WDR74: variants seen among roughly 807,000 people sequenced by gnomAD.
The protein encoded by WDR74 is WD repeat-containing protein 74.
A neutral mutation model predicts 45.6 loss-of-function variants in WDR74; 31 were observed. The ratio of observed to expected loss-of-function variants is 0.68; its 90% CI spans 0.51 to 0.92. WDR74 has a LOEUF of 0.92. Among genes scored for constraint, WDR74 ranks in the 40% least tolerant of loss-of-function variants. The probability of loss-of-function intolerance (pLI) is 0.00; values close to 1 mark genes in which losing one functional copy is unlikely to be tolerated. For synonymous variants in WDR74, 191 were observed against 192.4 expected (o/e 0.99, Z 0.06); for missense variants, 455 against 497.2 (o/e 0.92, Z 0.81).
In WDR74 at chr11:62,839,150, C is replaced by A. The variant is rs758316576; in HGVS notation, c.257G>T (p.Gly86Val). 1 of 1,613,660 alleles carries A rather than the reference C, an allele frequency of 6.2e-7. No individual in the cohort carries two copies. Among genetic ancestry groups the A allele is most frequent in the Non-Finnish European group, 8.5e-7 (1 of 1,179,888 alleles). ...IFQGQRHCPG[G>V]EGMFRGLAQA... ...GGCGAGGCCACGGAACATGCCCTCCCCGCCCGGGCAGTGTCTCTGACCCTG... is the reference window on the plus strand; with the variant it reads ...GGCGAGGCCACGGAACATGCCCTCCACGCCCGGGCAGTGTCTCTGACCCTG... The change falls in exon 3 of 11, where the codon GGG (glycine) becomes GTG (valine). Residue 86 changes from glycine to valine, a missense_variant. Coordinates refer to ENST00000278856, the MANE Select transcript of WDR74 (RefSeq NM_001369450.1).
At chr11:62,841,358 G>A (rs1354060670), upstream of WDR74, among the ~76,000 whole-genome samples, 4 of 152,100 alleles carry the variant, frequency 2.6e-5, no homozygotes, top group East Asian at 1.9e-4. Context: ...ACATTAGCCG[G>A]GGGTGGTGGC....
Position 62,835,414 on chromosome 11 carries a change from G to A in WDR74, c.618+17C>T, listed in dbSNP as rs1392462438. The A allele has an allele frequency of 1.2e-6, 2 of 1,611,724 alleles. No homozygotes were observed. Among genetic ancestry groups the A allele is most frequent in the Non-Finnish European group, 8.5e-7 (1 of 1,178,086 alleles). On this transcript the variant is annotated intron_variant, in intron 6 of 10. Transcript: ENST00000278856. ...TGCTTTATCCCAGGAGAAGGCAGGT[G>A]TGAGGTGACACCTTACCTGGTGGTA...
At chr11:62,840,869 G>A (rs190265845), upstream of WDR74, among the ~76,000 whole-genome samples, 1 of 152,254 alleles carries the variant, frequency 6.6e-6, no homozygotes, top group East Asian at 1.9e-4. Flanking sequence ...AACCCCGAGC[G>A]CGACCTAGGT....
In WDR74 at chr11:62,836,058, G is replaced by T. The variant is rs1178379649; in HGVS notation, c.294-22C>A. 1.9e-6 allele frequency: 3 copies of T among 1,566,628 alleles called. No homozygotes were observed. In the South Asian group the frequency reaches 3.5e-5, roughly 18 times the overall value. On this transcript the variant is annotated intron_variant, in intron 3 of 10. Transcript: ENST00000278856. ...GGTGCTGCAGAGAAAGGATAGAGTT[G>T]GGATTTTTTAAGTGCTTAAACTCCT...
rs1268429388 is a variant in WDR74, at chr11:62,839,095, G to A, written c.293+19C>T. ...CGCTCTCCCTTCGGCCCTGAGTTTA[G>A]CGAGGGGATTGGTCTTACCCGTCGG... is the stretch of plus-strand genomic sequence containing the variant. On this transcript the variant is annotated intron_variant, in intron 3 of 10. Transcript: ENST00000278856. 2 of 1,612,454 alleles carry A rather than the reference G, an allele frequency of 1.2e-6. No homozygotes were observed. The highest frequency in any genetic ancestry group is 2.2e-5 in the East Asian group (1 of 44,884).
intron 6 of WDR74, chr11:62,834,983 G>A (rs543623053): frequency 6.1e-5 from 13 of 214,706 alleles, no homozygotes; most frequent in East Asian, 2.2e-4. Flanking sequence ...AGCCCCGCCC[G>A]TGTCTCAAGA....
upstream of WDR74, chr11:62,841,530 C>A (rs472539): frequency 5.3e-5 from 8 of 151,816 alleles, no homozygotes; most frequent in Admixed American, 1.3e-4. Context: ...AACACCTAAT[C>A]CAACTCAAAC....
intron 7 of WDR74, 35 bp from the exon 8 acceptor site, chr11:62,834,366 G>A (rs2084925877): frequency 6.2e-7 from 1 of 1,613,200 alleles, no homozygotes; most frequent in Admixed American, 1.7e-5. Flanking sequence ...GGGATCAGCA[G>A]TAACCTCCTG....
At chr11:62,838,749 A>C (rs2084996847) in intron 3 of WDR74, among the ~76,000 whole-genome samples, 1 of 148,672 alleles carries the variant, frequency 6.7e-6, no homozygotes, top group South Asian at 2.1e-4. Context: ...CAAGAGCGAA[A>C]ACTCCGTCTC....
In WDR74 at chr11:62,833,623, A is replaced by C; in HGVS notation, c.973T>G (p.Trp325Gly). The change falls in exon 10 of 11, where the codon TGG (tryptophan) becomes GGG (glycine). Residue 325 changes from tryptophan (W) to glycine (G), a missense_variant. Trp to Gly is a radical substitution (Grantham distance 184). Coordinates refer to ENST00000278856, the MANE Select transcript of WDR74 (RefSeq NM_001369450.1). ...NCLLLSGRDNWEDEPQEPQEP... is the reference protein window; with the variant it reads ...NCLLLSGRDNGEDEPQEPQEP... Reference sequence around the variant, plus strand: ...TCCCGGGCCCAACTGCTCACCTCCCAGTTGTCCCTGCCTGACAAGAGGAGG... The same window carrying C: ...TCCCGGGCCCAACTGCTCACCTCCCCGTTGTCCCTGCCTGACAAGAGGAGG... 1 of 1,552,120 alleles carries C rather than the reference A, an allele frequency of 6.4e-7. No individual in the cohort carries two copies. Among genetic ancestry groups the C allele is most frequent in the Non-Finnish European group, 8.7e-7 (1 of 1,147,200 alleles).
At chr11:62,839,698 C>A, upstream of WDR74, 1 of 1,176,474 alleles carries the variant, frequency 8.5e-7, no homozygotes, top group Non-Finnish European at 1.2e-6. Context: ...AGCTTCCATG[C>A]TTGTTTTGCT....
chr11:62,834,390 G>GGGGGCCCCCCCCCCCC, intron 7 of WDR74, 37 bp downstream of exon 7: 2 of 1,584,246 alleles, frequency 1.3e-6, no homozygotes, highest in Non-Finnish European at 1.7e-6. Flanking sequence ...CCCTTCTCAA[G>GGGGGCCCCCCCCCCCC]CCCCACCCTC....
At chr11:62,840,658 C>G (rs2085032427), upstream of WDR74, among the ~76,000 whole-genome samples, 1 of 152,136 alleles carries the variant, frequency 6.6e-6, no homozygotes, top group Non-Finnish European at 1.5e-5. Context: ...CAAGTAAACC[C>G]TTTATCTAAC....
upstream of WDR74, among the ~76,000 whole-genome samples, chr11:62,841,351 T>C (rs887015461): frequency 6.6e-6 from 1 of 151,976 alleles, no homozygotes; most frequent in African/African-American, 2.4e-5. Context: ...ATGGAAAACA[T>C]TAGCCGGGGG....
At chr11:62,841,278 T>C (rs2085042305), upstream of WDR74, among the ~76,000 whole-genome samples, 2 of 151,994 alleles carry the variant, frequency 1.3e-5, no homozygotes, top group Admixed American at 1.3e-4. Flanking sequence ...GATCATGCCA[T>C]TGCACTCTAG....
At chr11:62,839,085 C>A (rs1456607788) in intron 3 of WDR74, 29 bp downstream of exon 3, 1 of 1,611,966 alleles carries the variant, frequency 6.2e-7, no homozygotes, top group East Asian at 2.2e-5. Flanking sequence ...TCCCTTCGGC[C>A]CTGAGTTTAG....
At chr11:62,834,392 C>CGG in intron 7 of WDR74, 35 bp downstream of exon 7, 1 of 648,566 alleles carries the variant, frequency 1.5e-6, no homozygotes, top group Non-Finnish European at 2.6e-6. Flanking sequence ...CTTCTCAAGC[C>CGG]CCACCCTCCC....
rs2085012889 is a variant in WDR74, at chr11:62,839,429, CT to C, written c.65-2del. 1 of 1,613,422 alleles carries C rather than the reference CT, an allele frequency of 6.2e-7. No individual in the cohort carries two copies. The highest frequency in any genetic ancestry group is 1.7e-5 in the Admixed American group (1 of 59,998). ...GCCTGTTTTCGCTGAAGATTTACCC[CT>C]GAGAGACGAAGGCGTCAGTCACGCC... On this transcript the variant is annotated splice_acceptor_variant, in intron 1 of 10. Transcript: ENST00000278856. LOFTEE classifies it high-confidence loss of function.
At chr11:62,835,915 C>T (rs1187091545) in intron 4 of WDR74, 46 bp downstream of exon 4, 5 of 1,583,420 alleles carry the variant, frequency 3.2e-6, no homozygotes, top group Non-Finnish European at 3.4e-6. Context: ...CATTAGGCAC[C>T]TACCCCAGCC....
Sources: gnomAD v4.1 joint callset for allele counts (sites outside exome capture counted in the v4.1 genomes callset) on GRCh38, gnomAD v4.1.1 for gene constraint, MANE v1.5 for transcripts, NCBI Gene and HGNC (gene_info 2026-07-23, HGNC 2026-07-21) for gene names.